The following ZMYM4 variants were observed in gnomAD, a reference collection of about 807,000 sequenced individuals.
ZMYM4 encodes zinc finger MYM-type containing 4.
A neutral mutation model predicts 183.2 loss-of-function variants in ZMYM4; 31 were observed. The ratio of observed to expected loss-of-function variants is 0.17; its 90% CI spans 0.13 to 0.23. The LOEUF is 0.23. Ranked by LOEUF, ZMYM4 falls within the 10% of genes least tolerant of loss-of-function variation. ZMYM4 has a pLI of 1.00. For missense variants in ZMYM4, 1,273 were observed against 1,840.3 expected (o/e 0.69, Z 5.64); for synonymous variants, 592 against 631.2 (o/e 0.94, Z 0.93).
rs890028640 is a variant in ZMYM4 at position 35,368,021 on chromosome 1, G to A, written c.841-2008G>A. On this transcript the variant is annotated intron_variant, in intron 5 of 29. Coordinates refer to ENST00000314607, the MANE Select transcript of ZMYM4 (RefSeq NM_005095.3). ...ATGAGTAAATTCCAAATGGACTAAG[G>A]CAGGGGTTGGCAAATTATCAGTGGT... 6.6e-5 allele frequency among the ~76,000 whole-genome samples: 10 copies of A among 151,790 alleles called. 1 individual carries two copies. In the East Asian group the frequency reaches 1.5e-3, roughly 23 times the overall value.
At chr1:35,344,634 T>C (rs1643327904) in intron 2 of ZMYM4, among the ~76,000 whole-genome samples, 1 of 151,846 alleles carries the variant, frequency 6.6e-6, no homozygotes, top group African/African-American at 2.4e-5. Context: ...AATATGAAGA[T>C]GAATTTTTAA....
chr1:35,293,663 C>T (rs1640869268), intron 1 of ZMYM4, among the ~76,000 whole-genome samples: 1 of 152,020 alleles, frequency 6.6e-6, no homozygotes, highest in Non-Finnish European at 1.5e-5. Context: ...CAGATAGTGT[C>T]TAATTCTGTT....
intron 1 of ZMYM4, among the ~76,000 whole-genome samples, chr1:35,296,573 A>G (rs1456888831): frequency 6.6e-6 from 1 of 152,114 alleles, no homozygotes; most frequent in Non-Finnish European, 1.5e-5. Context: ...ACATGCTGAG[A>G]TTTGACCCTA....
At chr1:35,304,795 C>CT (rs1278943839) in intron 1 of ZMYM4, among the ~76,000 whole-genome samples, 4 of 151,772 alleles carry the variant, frequency 2.6e-5, no homozygotes, top group Admixed American at 6.6e-5. Flanking sequence ...TATCGATGCT[C>CT]TTTTTTTATG....
At chr1:35,319,628 A>T (rs1031158650) in intron 1 of ZMYM4, among the ~76,000 whole-genome samples, 2 of 152,108 alleles carry the variant, frequency 1.3e-5, no homozygotes, top group Admixed American at 6.6e-5. Context: ...TCTCAAAAAA[A>T]TTTTTCCAAA....
chr1:35,293,516 C>T (rs1467630598), intron 1 of ZMYM4, among the ~76,000 whole-genome samples: 1 of 151,828 alleles, frequency 6.6e-6, no homozygotes, highest in African/African-American at 2.4e-5. Flanking sequence ...GGGGTTTCGC[C>T]ATGTTGGTCA....
chr1:35,373,208 T>A (rs115165880), intron 7 of ZMYM4, among the ~76,000 whole-genome samples: 426 of 150,708 alleles, frequency 2.8e-3, no homozygotes, highest in African/African-American at 9.9e-3. Flanking sequence ...TACATATAAT[T>A]TATGTCAGTA....
intron 2 of ZMYM4, among the ~76,000 whole-genome samples, chr1:35,341,693 T>A (rs1643206759): frequency 6.6e-6 from 1 of 152,048 alleles, no homozygotes; most frequent in Non-Finnish European, 1.5e-5. Flanking sequence ...TTCTTCACAT[T>A]ATATAATTTT....
intron 4 of ZMYM4, 78 bp downstream of exon 4, chr1:35,361,333 T>C: frequency 7.2e-7 from 1 of 1,391,696 alleles, no homozygotes; most frequent in Non-Finnish European, 9.9e-7. Context: ...TTCTAAATTC[T>C]AACAATGTAT....
chr1:35,307,617 C>T (rs182654217), intron 1 of ZMYM4, among the ~76,000 whole-genome samples: 2,623 of 150,570 alleles, frequency 0.017, 73 homozygotes, highest in African/African-American at 0.06. Flanking sequence ...TCACTGCAAG[C>T]TCTGCCTCCC....
At chr1:35,335,204 G>A (rs776534720) in intron 2 of ZMYM4, among the ~76,000 whole-genome samples, 7 of 149,090 alleles carry the variant, frequency 4.7e-5, no homozygotes, top group Admixed American at 6.7e-5. Flanking sequence ...TTTGAATCAT[G>A]CTGTGTGTTA....
At chr1:35,358,733 C>T (rs996912177) in intron 2 of ZMYM4, 192 bp from the exon 3 acceptor site, 3 of 490,768 alleles carry the variant, frequency 6.1e-6, no homozygotes, top group Admixed American at 3.8e-5. Flanking sequence ...CAAGTTTTGG[C>T]TCCTTGTTTC....
In ZMYM4 at chr1:35,393,589, TA is replaced by T; in HGVS notation, c.2767-5del. On this transcript the variant is annotated splice_region_variant and splice_polypyrimidine_tract_variant and intron_variant, in intron 17 of 29. Transcript: ENST00000314607. Reference sequence around the variant, plus strand: ...GTTTTTGGTTTCTAATTTGTTTTTTTACTAGGCAAGTACTCAAACAGATGCC... The same window carrying T: ...GTTTTTGGTTTCTAATTTGTTTTTTTCTAGGCAAGTACTCAAACAGATGCC... 2 of 1,565,950 alleles carry T rather than the reference TA, an allele frequency of 1.3e-6. No individual in the cohort carries two copies. Among genetic ancestry groups the T allele is most frequent in the East Asian group, 2.3e-5 (1 of 44,104 alleles).
In ZMYM4 at chr1:35,273,933, AAC is replaced by A. The variant is rs1176801176; in HGVS notation, c.39+4854_39+4855del. Among the ~76,000 whole-genome samples, 5 of 152,286 alleles carry A rather than the reference AAC, an allele frequency of 3.3e-5. No homozygotes were observed. The South Asian group carries it at 8.3e-4, about 25-fold the overall frequency. ...TTAATATATAAATCTGTGAAAATTG[AAC>A]ACACATATAGACAGTAGAAAATACG... On this transcript the variant is annotated intron_variant, in intron 1 of 29. Transcript: ENST00000314607.
intron 1 of ZMYM4, among the ~76,000 whole-genome samples, chr1:35,276,499 TTAAG>T (rs1639884662): frequency 6.7e-6 from 1 of 148,792 alleles, no homozygotes; most frequent in Non-Finnish European, 1.5e-5. Flanking sequence ...CTCTTATTCT[TTAAG>T]TGTCTTTTTA....
At chr1:35,344,669 G>A (rs996858179) in intron 2 of ZMYM4, among the ~76,000 whole-genome samples, 2 of 151,956 alleles carry the variant, frequency 1.3e-5, no homozygotes, top group Non-Finnish European at 2.9e-5. Flanking sequence ...TTGCATTTAT[G>A]GGATAAATCT....
At chr1:35,304,481 G>A (rs1049500350) in intron 1 of ZMYM4, among the ~76,000 whole-genome samples, 7 of 148,910 alleles carry the variant, frequency 4.7e-5, no homozygotes, top group Admixed American at 2.0e-4. Context: ...TCTTTGAGAC[G>A]GGATCTGGCT....
At position 35,413,954 on chromosome 1, in the gene ZMYM4, C is replaced by CTT. The variant is rs142314196; in HGVS notation, c.3949-9_3949-8dup. On this transcript the variant is annotated splice_polypyrimidine_tract_variant and intron_variant, in intron 26 of 29. Coordinates refer to ENST00000314607, the MANE Select transcript of ZMYM4 (RefSeq NM_005095.3). ...TTCTTTTTATCAACATGTATATTTT[C>CTT]TTTTTTTTTTCTTGTAGTACCTGTT... is the stretch of plus-strand genomic sequence containing the variant. 1.5e-5 allele frequency: 18 copies of CTT among 1,199,236 alleles called. No homozygotes were observed. The highest frequency in any genetic ancestry group is 5.2e-5 in the Admixed American group (2 of 38,604). 74.3% of individuals were successfully genotyped at this position (1,199,236 alleles called of 1,614,324 possible). A position where few individuals can be genotyped will look rare whatever the true frequency, so the allele number is the denominator to read the frequency against.
At chr1:35,279,353 G>A (rs1200784971) in intron 1 of ZMYM4, among the ~76,000 whole-genome samples, 1 of 152,112 alleles carries the variant, frequency 6.6e-6, no homozygotes, top group Admixed American at 6.6e-5. Context: ...TATCAAGGGG[G>A]TCCATATCAT....
Sources: allele counts gnomAD v4.1 joint callset (sites outside exome capture counted in the v4.1 genomes callset), GRCh38; gene constraint gnomAD v4.1.1; transcripts MANE v1.5; gene names NCBI Gene and HGNC (gene_info 2026-07-23, HGNC 2026-07-21).